Variants in DLG2 observed in about 807,000 individuals in gnomAD.
The protein encoded by DLG2 is discs large MAGUK scaffold protein 2.
A neutral mutation model predicts 132.5 loss-of-function variants in DLG2; 45 were observed. The observed-to-expected ratio is 0.34, with a 90% CI of 0.27 to 0.44. The LOEUF (loss-of-function observed/expected upper bound fraction) is 0.44, where lower values mean the gene tolerates loss of function less well. Among genes scored for constraint, DLG2 ranks in the 20% least tolerant of loss-of-function variants. DLG2 has a pLI of 1.00. For missense variants in DLG2, 1,045 were observed against 1,196.9 expected, an observed-to-expected ratio of 0.87 and a Z score of 1.87; for synonymous variants, 424 against 419.6, an observed-to-expected ratio of 1.01 and a Z score of -0.13.
At chr11:84,161,006 AAAG>A (rs2095534804) in intron 9 of DLG2, among the ~76,000 whole-genome samples, 1 of 152,182 alleles carries the variant, frequency 6.6e-6, no homozygotes, top group African/African-American at 2.4e-5. Flanking sequence ...GATTTTTTCT[AAAG>A]AAGTGTATAA....
At chr11:84,578,784 G>A (rs115611827) in intron 6 of DLG2, among the ~76,000 whole-genome samples, 4 of 152,212 alleles carry the variant, frequency 2.6e-5, no homozygotes, top group East Asian at 1.9e-4. Context: ...TTTGGAATGC[G>A]AAGACATGAG....
chr11:84,183,990 G>C (rs1297926531), intron 8 of DLG2, among the ~76,000 whole-genome samples: 2 of 151,864 alleles, frequency 1.3e-5, no homozygotes, highest in Non-Finnish European at 2.9e-5. Flanking sequence ...GGACATTTGG[G>C]TTGGTTCCAA....
At chr11:84,033,039 G>A (rs975157413) in intron 11 of DLG2, among the ~76,000 whole-genome samples, 9 of 152,148 alleles carry the variant, frequency 5.9e-5, no homozygotes, top group Non-Finnish European at 1.0e-4. Flanking sequence ...TAGTCACCAA[G>A]AGCTCTTATG....
chr11:85,021,965 G>A (rs899131104), intron 6 of DLG2, among the ~76,000 whole-genome samples: 2 of 152,046 alleles, frequency 1.3e-5, no homozygotes, highest in Non-Finnish European at 2.9e-5. Context: ...TCTGAACACA[G>A]TAATTTAAAG....
intron 3 of DLG2, among the ~76,000 whole-genome samples, chr11:85,522,346 G>A (rs1262579830): frequency 6.6e-6 from 1 of 152,220 alleles, no homozygotes; most frequent in Non-Finnish European, 1.5e-5. Context: ...ATGCTTGGAT[G>A]TCCAGGTAGA....
chr11:84,716,563 A>G (rs1325521123), intron 6 of DLG2, among the ~76,000 whole-genome samples: 1 of 151,966 alleles, frequency 6.6e-6, no homozygotes, highest in Non-Finnish European at 1.5e-5. Context: ...CAGTTAAGTG[A>G]AGGTAAAGTT....
chr11:83,892,252 ATT>A (rs2070151783), intron 15 of DLG2, among the ~76,000 whole-genome samples: 1 of 152,196 alleles, frequency 6.6e-6, no homozygotes, highest in Non-Finnish European at 1.5e-5. Context: ...GCTTTCTAAG[ATT>A]TTAAATTTGA....
At chr11:85,519,681 A>T (rs1190079617) in intron 3 of DLG2, among the ~76,000 whole-genome samples, 1 of 152,214 alleles carries the variant, frequency 6.6e-6, no homozygotes, top group Non-Finnish European at 1.5e-5. Context: ...ATGTGAGGAC[A>T]TAAGATTTGG....
chr11:85,101,045 A>C (rs2070765553), intron 6 of DLG2, among the ~76,000 whole-genome samples: 1 of 152,184 alleles, frequency 6.6e-6, no homozygotes, highest in Non-Finnish European at 1.5e-5. Context: ...ACCAACATTT[A>C]TGAATGTCAG....
chr11:85,007,154 T>A (rs938647355), intron 6 of DLG2, among the ~76,000 whole-genome samples: 85 of 152,138 alleles, frequency 5.6e-4, no homozygotes, highest in African/African-American at 1.7e-3. Context: ...TAAGTACAAA[T>A]TCCTCATGTG....
Position 83,830,847 on chromosome 11 carries a change from C to G in DLG2, c.1722+2767G>C, listed in dbSNP as rs560577364. Among the ~76,000 whole-genome samples the G allele has an allele frequency of 6.6e-5, 10 of 152,266 alleles. No homozygotes were observed. In the South Asian group the frequency reaches 2.1e-3, roughly 32 times the overall value. On this transcript the variant is annotated intron_variant, in intron 17 of 27. Transcript: ENST00000376104. ...TGCCACTTAGAATGCCTTAGAGAAT[C>G]TCTAGAATTAATGCATGTGACAGTG...
In DLG2 at chr11:83,503,965, G is replaced by A. The variant is rs143578985; in HGVS notation, c.2194-19737C>T. 9.5e-4 allele frequency among the ~76,000 whole-genome samples: 144 copies of A among 152,132 alleles called. 2 individuals carry two copies. Among genetic ancestry groups the A allele is most frequent in the South Asian group, 8.7e-3 (42 of 4,802 alleles). On this transcript the variant is annotated intron_variant, in intron 21 of 27. Coordinates refer to ENST00000376104, the MANE Select transcript of DLG2 (RefSeq NM_001142699.3). Reference sequence around the variant, plus strand: ...ACCTAACATAATACAACTATCCTTCGTACAACCAGAAATGCACCAATCTCC... The same window carrying A: ...ACCTAACATAATACAACTATCCTTCATACAACCAGAAATGCACCAATCTCC...
At chr11:85,299,888 G>A (rs2079479672) in intron 3 of DLG2, among the ~76,000 whole-genome samples, 1 of 152,132 alleles carries the variant, frequency 6.6e-6, no homozygotes. Context: ...GCTAAATAGT[G>A]TTTTTTGATT....
At chr11:85,467,788 C>T (rs1361420157) in intron 3 of DLG2, among the ~76,000 whole-genome samples, 1 of 152,304 alleles carries the variant, frequency 6.6e-6, no homozygotes, top group African/African-American at 2.4e-5. Context: ...TGTTATGTCT[C>T]TGCCAGGCTT....
intron 4 of DLG2, among the ~76,000 whole-genome samples, chr11:85,282,782 C>T (rs2078312905): frequency 6.6e-6 from 1 of 151,890 alleles, no homozygotes; most frequent in Non-Finnish European, 1.5e-5. Flanking sequence ...GACACATGCA[C>T]CCCTGTATGT....
chr11:85,166,862 AACTTT>A (rs1387084652), intron 4 of DLG2, among the ~76,000 whole-genome samples: 1 of 152,170 alleles, frequency 6.6e-6, no homozygotes, highest in Non-Finnish European at 1.5e-5. Context: ...AATATTTGCC[AACTTT>A]ACTTTAAATG....
intron 6 of DLG2, among the ~76,000 whole-genome samples, chr11:84,891,434 T>C (rs2089373705): frequency 6.6e-6 from 1 of 152,108 alleles, no homozygotes; most frequent in Non-Finnish European, 1.5e-5. Flanking sequence ...TTTAAAAATA[T>C]ATACAAAGTA....
At chr11:83,711,397 C>A (rs1223958672) in intron 18 of DLG2, among the ~76,000 whole-genome samples, 1 of 152,176 alleles carries the variant, frequency 6.6e-6, no homozygotes, top group Non-Finnish European at 1.5e-5. Context: ...AAAAGGAGGT[C>A]TTCTCGGGTA....
chr11:85,422,457 T>C (rs532217790), intron 3 of DLG2, among the ~76,000 whole-genome samples: 15 of 152,100 alleles, frequency 9.9e-5, no homozygotes, highest in Admixed American at 6.5e-4. Flanking sequence ...TTCTTTCTTC[T>C]ACTTGTTCAA....
Sources: allele counts gnomAD v4.1 joint callset (sites outside exome capture counted in the v4.1 genomes callset), GRCh38; gene constraint gnomAD v4.1.1; transcripts MANE v1.5; gene names NCBI Gene and HGNC (gene_info 2026-07-23, HGNC 2026-07-21).